The following MGLL variants were observed in gnomAD, a reference collection of about 807,000 sequenced individuals.
The protein encoded by MGLL is monoglyceride lipase.
In MGLL, 7 loss-of-function variants were observed where a neutral mutation model predicts 29.1. The observed-to-expected ratio is 0.24, with a 90% CI of 0.14 to 0.45. MGLL has a LOEUF of 0.45. Ranked by LOEUF, MGLL falls within the 20% of genes least tolerant of loss-of-function variation. The pLI is 0.99. For missense variants in MGLL, 356 were observed against 413.6 expected (o/e 0.86, Z 1.21); for synonymous variants, 148 against 168.3 (o/e 0.88, Z 0.93).
At chr3:127,726,160 GAAAGAAAGAAAGAAAGAAAGAAAGA>G (rs1176555716) in intron 3 of MGLL, among the ~76,000 whole-genome samples, 6 of 26,500 alleles carry the variant, frequency 2.3e-4, no homozygotes, top group South Asian at 8.4e-4. Flanking sequence ...AAGAAAGAAA[GAAAGAAAGAAAGAAAGAAAGAAAGA>G]AAAGAAAAGA....
intron 3 of MGLL, among the ~76,000 whole-genome samples, chr3:127,775,546 T>G (rs919561498): frequency 6.6e-6 from 1 of 152,014 alleles, no homozygotes; most frequent in Non-Finnish European, 1.5e-5. Context: ...CCCACAGACA[T>G]TCCCTCAAAA....
At chr3:127,755,903 C>T (rs1307107337) in intron 3 of MGLL, among the ~76,000 whole-genome samples, 1 of 152,156 alleles carries the variant, frequency 6.6e-6, no homozygotes, top group Non-Finnish European at 1.5e-5. Flanking sequence ...TTCTTAGTAA[C>T]TGAAACCTGA....
intron 3 of MGLL, among the ~76,000 whole-genome samples, chr3:127,744,223 T>C (rs553815902): frequency 6.6e-6 from 1 of 152,172 alleles, no homozygotes; most frequent in Non-Finnish European, 1.5e-5. Flanking sequence ...GGATTTCATA[T>C]TTAGAAGGTT....
At chr3:127,762,185 G>T (rs2076776818) in intron 3 of MGLL, among the ~76,000 whole-genome samples, 1 of 152,214 alleles carries the variant, frequency 6.6e-6, no homozygotes, top group Non-Finnish European at 1.5e-5. Context: ...GAAGCACCTT[G>T]TCTGCCGGCA....
intron 3 of MGLL, among the ~76,000 whole-genome samples, chr3:127,731,953 T>A (rs1230933283): frequency 1.3e-5 from 2 of 152,166 alleles, no homozygotes; most frequent in African/African-American, 4.8e-5. Flanking sequence ...TTCGTGATAA[T>A]CCTTTGTTGA....
chr3:127,782,991 A>G (rs1451726393), intron 2 of MGLL, among the ~76,000 whole-genome samples: 1 of 152,020 alleles, frequency 6.6e-6, no homozygotes, highest in Non-Finnish European at 1.5e-5. Flanking sequence ...CTTGGCCAAC[A>G]TGGTGAAACT....
At chr3:127,716,940 C>A (rs1215173508) in intron 5 of MGLL, among the ~76,000 whole-genome samples, 1 of 152,192 alleles carries the variant, frequency 6.6e-6, no homozygotes, top group Non-Finnish European at 1.5e-5. Context: ...TTCCCAGTGA[C>A]CCTTGCTGGG....
At chr3:127,820,850 A>T (rs2107764943) in intron 2 of MGLL, among the ~76,000 whole-genome samples, 1 of 152,362 alleles carries the variant, frequency 6.6e-6, no homozygotes, top group South Asian at 2.1e-4. Context: ...TTTAACGTGC[A>T]GCTCCCTGGA....
intron 2 of MGLL, among the ~76,000 whole-genome samples, chr3:127,809,646 A>G (rs1356080087): frequency 1.3e-5 from 2 of 151,884 alleles, no homozygotes; most frequent in Non-Finnish European, 2.9e-5. Flanking sequence ...AATAAAAAAA[A>G]AAAAGACTAA....
chr3:127,818,446 G>A (rs1028506048), intron 2 of MGLL, among the ~76,000 whole-genome samples: 1 of 151,958 alleles, frequency 6.6e-6, no homozygotes, highest in African/African-American at 2.4e-5. Context: ...CTGGTCTCAA[G>A]GAATTTCCCG....
chr3:127,771,503 T>C (rs573568), intron 3 of MGLL, among the ~76,000 whole-genome samples: 146,527 of 152,222 alleles, frequency 0.96, 70,716 homozygotes, highest in Non-Finnish European at 1. Flanking sequence ...ATCATAGGCA[T>C]GCACCTTTAA....
At chr3:127,810,611 T>C (rs1034674945) in intron 2 of MGLL, among the ~76,000 whole-genome samples, 2 of 152,196 alleles carry the variant, frequency 1.3e-5, no homozygotes, top group African/African-American at 2.4e-5. Flanking sequence ...GACAAATGCA[T>C]GGAGATGCCT....
intron 6 of MGLL, among the ~76,000 whole-genome samples, chr3:127,709,489 T>G (rs2075668046): frequency 6.6e-6 from 1 of 151,980 alleles, no homozygotes. Flanking sequence ...TCCTCTTGAG[T>G]TGCCCACTCT....
chr3:127,725,396 C>T (rs941080591), intron 3 of MGLL, among the ~76,000 whole-genome samples: 4 of 152,180 alleles, frequency 2.6e-5, no homozygotes, highest in Non-Finnish European at 4.4e-5. Flanking sequence ...TGTACACTGA[C>T]GGTCCCTTTC....
chr3:127,819,819 C>T (rs2077826397), intron 2 of MGLL, among the ~76,000 whole-genome samples: 4 of 152,092 alleles, frequency 2.6e-5, no homozygotes, highest in Admixed American at 2.6e-4. Flanking sequence ...TGCTGGCTGG[C>T]ACAAACCTCT....
chr3:127,726,190 A>AAAGAAAGG (rs1553758469), intron 3 of MGLL, among the ~76,000 whole-genome samples: 1 of 74,274 alleles, frequency 1.3e-5, no homozygotes, highest in Non-Finnish European at 2.8e-5. Flanking sequence ...GAAAGAAAAG[A>AAAGAAAGG]AAAGAAAGAA....
In MGLL at chr3:127,694,289, AT is replaced by A. The variant is rs59029357; in HGVS notation, c.816+685del. On this transcript the variant is annotated intron_variant, in intron 7 of 7. Transcript: ENST00000265052. ...TGTCTGAAAAAAAAAAAAAAAAAATATATATATATATATATATATGTATGTG... is the reference window on the plus strand; with the variant it reads ...TGTCTGAAAAAAAAAAAAAAAAAATAATATATATATATATATATGTATGTG... Among the ~76,000 whole-genome samples, 797 of 85,678 alleles carry A rather than the reference AT, an allele frequency of 9.3e-3. 13 individuals are homozygous for A. Among genetic ancestry groups the A allele is most frequent in the African/African-American group, 0.014 (351 of 24,774 alleles). The allele number at this position is 85,678 out of a possible 152,430, so 56.2% of individuals were successfully genotyped here. A position where few individuals can be genotyped will look rare whatever the true frequency, so the allele number is the denominator to read the frequency against.
chr3:127,781,829 C>T lies in MGLL; in HGVS notation c.222G>A (p.Met74Ile), dbSNP rs1361227946. 3.1e-6 allele frequency: 5 copies of T among 1,614,026 alleles called. No homozygotes were observed. The highest frequency in any genetic ancestry group is 4.2e-6 in the Non-Finnish European group (5 of 1,180,030). The change falls in exon 3 of 8, where the codon ATG becomes ATA. Residue 74 changes from methionine (M) to isoleucine (I), a missense_variant. By Grantham distance (10) the Met-to-Ile change is conservative (BLOSUM62 1). Transcript: ENST00000265052. ...HSGRYEELAR[M>I]LMGLDLLVFA... is the part of the protein sequence containing the mutation. The stretch of plus-strand genomic sequence containing the variant: ...ACACCAGCAGGTCCAGCCCCATCAG[C>T]ATCCGAGCCAGCTCTTCATAGCGGC...
intron 2 of MGLL, among the ~76,000 whole-genome samples, chr3:127,797,413 G>T (rs1390893869): frequency 3.3e-5 from 5 of 151,968 alleles, no homozygotes; most frequent in Non-Finnish European, 7.4e-5. Context: ...GTCTTGCTCC[G>T]CATGCAGCCT....
Sources: allele counts gnomAD v4.1 joint callset (sites outside exome capture counted in the v4.1 genomes callset), GRCh38; gene constraint gnomAD v4.1.1; transcripts MANE v1.5; gene names NCBI Gene and HGNC (gene_info 2026-07-23, HGNC 2026-07-21).